MXI1: variants seen among roughly 807,000 people sequenced by gnomAD.
MXI1 encodes the protein MAX interactor 1, dimerization protein.
In MXI1, 18 loss-of-function variants were observed where a neutral mutation model predicts 36.9. The observed-to-expected ratio is 0.49, with a 90% CI of 0.34 to 0.72. The LOEUF (loss-of-function observed/expected upper bound fraction) is 0.72, where lower values mean the gene tolerates loss of function less well. Among genes scored for constraint, MXI1 ranks in the 30% least tolerant of loss-of-function variants. MXI1 has a pLI of 0.01. For synonymous variants in MXI1, 160 were observed against 146.7 expected (o/e 1.09, Z -0.65); for missense variants, 304 against 379.1 (o/e 0.80, Z 1.64).
intron 1 of MXI1, among the ~76,000 whole-genome samples, chr10:110,225,560 A>C (rs574579639): frequency 6.6e-6 from 1 of 152,330 alleles, no homozygotes; most frequent in East Asian, 1.9e-4. Context: ...ACTGAGGCAC[A>C]TAAGTTACAT....
intron 3 of MXI1, among the ~76,000 whole-genome samples, chr10:110,245,470 T>C (rs1471987347): frequency 6.6e-6 from 1 of 152,198 alleles, no homozygotes; most frequent in African/African-American, 2.4e-5. Flanking sequence ...TACTGAAAGA[T>C]ATTTTAGAAG....
intron 1 of MXI1, among the ~76,000 whole-genome samples, chr10:110,209,379 G>T (rs73354793): frequency 6.6e-6 from 1 of 151,848 alleles, no homozygotes; most frequent in African/African-American, 2.4e-5. Context: ...CGATTGCAAC[G>T]TGTCAGATCT....
At chr10:110,216,419 A>G (rs1413789829) in intron 1 of MXI1, among the ~76,000 whole-genome samples, 2 of 152,110 alleles carry the variant, frequency 1.3e-5, no homozygotes, top group Non-Finnish European at 2.9e-5. Context: ...CCTTGCCCTC[A>G]TGGAGTGTAT....
chr10:110,215,881 A>C (rs1298161518), intron 1 of MXI1, among the ~76,000 whole-genome samples: 1 of 152,024 alleles, frequency 6.6e-6, no homozygotes, highest in Non-Finnish European at 1.5e-5. Context: ...GAGAAAAAAA[A>C]GAGAGGGAGG....
Position 110,207,701 on chromosome 10 carries a change from C to T in MXI1, c.-108C>T, listed in dbSNP as rs1854397788. The T allele has an allele frequency of 1.4e-6, 1 of 700,992 alleles. No homozygotes were observed. Among genetic ancestry groups the T allele is most frequent in the Non-Finnish European group, 1.8e-6 (1 of 562,728 alleles). The allele number at this position is 700,992 out of a possible 1,614,324, so 43.4% of individuals were successfully genotyped here. On this transcript the variant is annotated 5_prime_UTR_variant, in exon 1 of 6. Coordinates refer to ENST00000332674, the MANE Select transcript of MXI1 (RefSeq NM_130439.3). ...CTCGGGAAGTCAGGCCGGCTTTTCG[C>T]CCCGGCGCCTTCTCTGCTCCAGCCG...
intron 3 of MXI1, among the ~76,000 whole-genome samples, chr10:110,267,449 AC>A (rs1185184203): frequency 6.6e-6 from 1 of 152,212 alleles, no homozygotes; most frequent in Non-Finnish European, 1.5e-5. Flanking sequence ...CATTGATGCA[AC>A]CAAATATGTC....
intron 4 of MXI1, 30 bp downstream of exon 4, chr10:110,279,324 A>G (rs374244794): frequency 1.7e-5 from 27 of 1,563,448 alleles, no homozygotes; most frequent in Middle Eastern, 3.3e-4. Context: ...GATTTGCACA[A>G]TTCCCTCAGT....
At chr10:110,243,271 A>G (rs1735813669) in intron 2 of MXI1, among the ~76,000 whole-genome samples, 1 of 152,052 alleles carries the variant, frequency 6.6e-6, no homozygotes. Context: ...ATAAGACTCT[A>G]TTTACTTCCC....
At chr10:110,264,880 A>T (rs1381125157) in intron 3 of MXI1, among the ~76,000 whole-genome samples, 2 of 152,226 alleles carry the variant, frequency 1.3e-5, no homozygotes, top group African/African-American at 4.8e-5. Flanking sequence ...ATATAAAAAA[A>T]TTGATTTTTA....
chr10:110,244,930 G>T (rs1379509408), intron 3 of MXI1, 73 bp downstream of exon 3: 2 of 1,429,158 alleles, frequency 1.4e-6, no homozygotes, highest in Non-Finnish European at 1.9e-6. Flanking sequence ...TGAAAATAAT[G>T]TAATAGTGCA....
chr10:110,248,275 A>G (rs956700122), intron 3 of MXI1, among the ~76,000 whole-genome samples: 17 of 152,128 alleles, frequency 1.1e-4, no homozygotes, highest in Non-Finnish European at 2.9e-5. Flanking sequence ...CAGCACACCA[A>G]CATGGCACAT....
chr10:110,225,743 C>T (rs1180651216), intron 1 of MXI1, among the ~76,000 whole-genome samples: 1 of 152,150 alleles, frequency 6.6e-6, no homozygotes, highest in Non-Finnish European at 1.5e-5. Flanking sequence ...AAAAATTCTT[C>T]CCTCCCAGAA....
intron 5 of MXI1, among the ~76,000 whole-genome samples, chr10:110,284,226 TA>T (rs983382509): frequency 6.6e-6 from 1 of 152,094 alleles, no homozygotes; most frequent in Non-Finnish European, 1.5e-5. Flanking sequence ...CTCAGGCCCT[TA>T]TTTCAAGCTA....
intron 1 of MXI1, chr10:110,227,500 G>C (rs1220274885): frequency 1.0e-6 from 1 of 987,780 alleles, no homozygotes; most frequent in Non-Finnish European, 1.2e-6. Flanking sequence ...GCTGGAGAGA[G>C]GGTGACCGTG....
chr10:110,257,312 GTTTT>G, intron 3 of MXI1: 1 of 142,180 alleles, frequency 7.0e-6, no homozygotes, highest in Non-Finnish European at 1.5e-5. Context: ...TTTTTTTTTG[GTTTT>G]TTTTTTTTTT....
At chr10:110,228,468 A>G (rs573877298) in intron 2 of MXI1, 147 bp downstream of exon 2, 4 of 964,146 alleles carry the variant, frequency 4.1e-6, no homozygotes, top group Non-Finnish European at 6.1e-6. Flanking sequence ...AAGTCTAGAA[A>G]TCATAACCTG....
chr10:110,255,557 T>C (rs1005925185), intron 3 of MXI1, among the ~76,000 whole-genome samples: 1 of 152,154 alleles, frequency 6.6e-6, no homozygotes, highest in South Asian at 2.1e-4. Context: ...AATAATTACA[T>C]GTACAATAGC....
chr10:110,230,875 GTA>G (rs1477937339), intron 2 of MXI1, among the ~76,000 whole-genome samples: 6 of 152,292 alleles, frequency 3.9e-5, no homozygotes, highest in African/African-American at 1.2e-4. Context: ...GACTTCATAA[GTA>G]TATATGTCTT....
chr10:110,225,025 T>C (rs1854919040), intron 1 of MXI1, among the ~76,000 whole-genome samples: 2 of 152,200 alleles, frequency 1.3e-5, no homozygotes. Flanking sequence ...GAAAACATCA[T>C]CATCGCTTCT....
Sources: gnomAD v4.1 joint callset for allele counts (sites outside exome capture counted in the v4.1 genomes callset) on GRCh38, gnomAD v4.1.1 for gene constraint, MANE v1.5 for transcripts, NCBI Gene and HGNC (gene_info 2026-07-23, HGNC 2026-07-21) for gene names.